Variants in KRTAP2-4 observed in about 807,000 individuals in gnomAD.
KRTAP2-4 encodes keratin associated protein 2-4.
In KRTAP2-4, 7 loss-of-function variants were observed where a neutral mutation model predicts 11.5. That is an observed-to-expected ratio of 0.61 (90% CI 0.35 to 1.15). The LOEUF (loss-of-function observed/expected upper bound fraction) is 1.15, where lower values mean the gene tolerates loss of function less well. KRTAP2-4 is among the 50% of genes most tolerant of loss of function. The pLI, the probability that KRTAP2-4 is intolerant of heterozygous loss-of-function variation, is 0.03. For missense variants in KRTAP2-4, 93 were observed against 183.2 expected, an observed-to-expected ratio of 0.51 and a Z score of 2.84; for synonymous variants, 49 against 77.9, an observed-to-expected ratio of 0.63 and a Z score of 1.96.
In KRTAP2-4 at chr17:41,065,184, G is replaced by A; in HGVS notation, c.*275C>T. ...GCAAAAGATGATGGTGACAGTTTGA[G>A]CAGTAAAAACCATCAGGTTGTAGAA... On this transcript the variant is annotated 3_prime_UTR_variant, in exon 1 of 1. Transcript: ENST00000394015. 1.7e-6 allele frequency: 1 copy of A among 585,820 alleles called. No homozygotes were observed. The highest frequency in any genetic ancestry group is 2.9e-6 in the Non-Finnish European group (1 of 345,498). 36.3% of individuals were successfully genotyped at this position (585,820 alleles called of 1,614,324 possible).
chr17:41,065,495 G>C lies in KRTAP2-4; in HGVS notation c.351C>G (p.Thr117=). The C allele has an allele frequency of 6.4e-7, 1 of 1,572,338 alleles. No individual in the cohort carries two copies. Among genetic ancestry groups the C allele is most frequent in the Non-Finnish European group, 8.6e-7 (1 of 1,159,864 alleles). ...PCCRPPCGQP[T]PCSTTCRTSS... ...AGGTCCTGCAGGTGGTGCTGCAAGG[G>C]GTCGGCTGGCCGCAGGGGGGCCGGC... is the stretch of plus-strand genomic sequence containing the variant. The change falls in exon 1 of 1, where the codon ACC becomes ACG. Residue 117 remains threonine (T), a synonymous_variant. Transcript: ENST00000394015.
At position 41,065,200 on chromosome 17, in the gene KRTAP2-4, G is replaced by C. The variant is rs2013249827; in HGVS notation, c.*259C>G. ...ACAGTTTGAGCAGTAAAAACCATCA[G>C]GTTGTAGAATGTGTTTGCAAAGTCC... is the stretch of plus-strand genomic sequence containing the variant. On this transcript the variant is annotated 3_prime_UTR_variant, in exon 1 of 1. Transcript: ENST00000394015. 1.7e-5 allele frequency: 11 copies of C among 629,606 alleles called. No homozygotes were observed. In the East Asian group the frequency reaches 3.1e-4, roughly 18 times the overall value. The allele number at this position is 629,606 out of a possible 1,614,324, so 39.0% of individuals were successfully genotyped here.
In KRTAP2-4 at chr17:41,065,271, G is replaced by A. The variant is rs1319534058; in HGVS notation, c.*188C>T. On this transcript the variant is annotated 3_prime_UTR_variant, in exon 1 of 1. Coordinates refer to ENST00000394015, the MANE Select transcript of KRTAP2-4 (RefSeq NM_033184.4). ...TCGATTTACTATCCATAATGACTAA[G>A]GCTGATGTAGACACCTGAAAATGTG... 3 of 1,074,748 alleles carry A rather than the reference G, an allele frequency of 2.8e-6. No homozygotes were observed. The highest frequency in any genetic ancestry group is 2.9e-5 in the Admixed American group (1 of 34,252). 66.6% of individuals were successfully genotyped at this position (1,074,748 alleles called of 1,614,324 possible).
rs1234720026 is a variant in KRTAP2-4 at position 41,065,463 on chromosome 17, C to A, written c.383G>T (p.Cys128Phe). The change falls in exon 1 of 1, where the codon TGC becomes TTC. Residue 128 changes from cysteine to phenylalanine, a missense_variant. Coordinates refer to ENST00000394015, the MANE Select transcript of KRTAP2-4 (RefSeq NM_033184.4). Reference sequence around the variant, plus strand: ...CTCTGTGGGGGCATTGGGGTCTCAGCAGGAGGAGGTCCTGCAGGTGGTGCT... The same window carrying A: ...CTCTGTGGGGGCATTGGGGTCTCAGAAGGAGGAGGTCCTGCAGGTGGTGCT... ...PCSTTCRTSSC is the reference protein window; with the variant it reads ...PCSTTCRTSSF 1.9e-6 allele frequency: 3 copies of A among 1,590,852 alleles called. No homozygotes were observed. Among genetic ancestry groups the A allele is most frequent in the Non-Finnish European group, 2.6e-6 (3 of 1,169,566 alleles).
In KRTAP2-4 at chr17:41,065,370, G is replaced by A; in HGVS notation, c.*89C>T. The A allele has an allele frequency of 6.7e-7, 1 of 1,485,842 alleles. No homozygotes were observed. Among genetic ancestry groups the A allele is most frequent in the Non-Finnish European group, 9.0e-7 (1 of 1,112,516 alleles). 92.0% of individuals were successfully genotyped at this position (1,485,842 alleles called of 1,614,324 possible). On this transcript the variant is annotated 3_prime_UTR_variant, in exon 1 of 1. Transcript: ENST00000394015. ...GTAAAAATCACTATTGTCACCTTGTGAAAAAAAATCTATTTTTCTTTTAAC... is the reference window on the plus strand; with the variant it reads ...GTAAAAATCACTATTGTCACCTTGTAAAAAAAAATCTATTTTTCTTTTAAC...
In KRTAP2-4 at chr17:41,065,287, T is replaced by A; in HGVS notation, c.*172A>T. On this transcript the variant is annotated 3_prime_UTR_variant, in exon 1 of 1. Coordinates refer to ENST00000394015, the MANE Select transcript of KRTAP2-4 (RefSeq NM_033184.4). The stretch of plus-strand genomic sequence containing the variant: ...AATGACTAAGGCTGATGTAGACACC[T>A]GAAAATGTGGGTGAGGGTGGTAATG... The A allele has an allele frequency of 1.7e-6, 2 of 1,211,442 alleles. No homozygotes were observed. The highest frequency in any genetic ancestry group is 2.2e-6 in the Non-Finnish European group (2 of 894,486). 75.0% of individuals were successfully genotyped at this position (1,211,442 alleles called of 1,614,324 possible).
In KRTAP2-4 at chr17:41,065,267, C is replaced by A; in HGVS notation, c.*192G>T. 1 of 1,051,960 alleles carries A rather than the reference C, an allele frequency of 9.5e-7. No homozygotes were observed. The highest frequency in any genetic ancestry group is 1.3e-6 in the Non-Finnish European group (1 of 751,882). The allele number at this position is 1,051,960 out of a possible 1,614,324, so 65.2% of individuals were successfully genotyped here. A position where few individuals can be genotyped will look rare whatever the true frequency, so the allele number is the denominator to read the frequency against. Reference sequence around the variant, plus strand: ...AAGGTCGATTTACTATCCATAATGACTAAGGCTGATGTAGACACCTGAAAA... The same window carrying A: ...AAGGTCGATTTACTATCCATAATGAATAAGGCTGATGTAGACACCTGAAAA... On this transcript the variant is annotated 3_prime_UTR_variant, in exon 1 of 1. Coordinates refer to ENST00000394015, the MANE Select transcript of KRTAP2-4 (RefSeq NM_033184.4).
Position 41,065,414 on chromosome 17 carries a change from A to G in KRTAP2-4, c.*45T>C, listed in dbSNP as rs1311613495. The stretch of plus-strand genomic sequence containing the variant: ...TTTTAACTTTTTAAAAACACCAGAT[A>G]GATGTTTAGGCTTCAGTGTATTGCT... On this transcript the variant is annotated 3_prime_UTR_variant, in exon 1 of 1. Transcript: ENST00000394015. 8 of 1,550,470 alleles carry G rather than the reference A, an allele frequency of 5.2e-6. No individual in the cohort carries two copies. The highest frequency in any genetic ancestry group is 1.4e-5 in the African/African-American group (1 of 73,632).
rs2013258307 is a variant in KRTAP2-4, at chr17:41,065,504, G to A, written c.342C>T (p.Gly114=). 2 of 1,561,754 alleles carry A rather than the reference G, an allele frequency of 1.3e-6. No homozygotes were observed. The highest frequency in any genetic ancestry group is 2.4e-5 in the South Asian group (2 of 84,834). ...VQSPCCRPPC[G]QPTPCSTTCR... ...AGGTGGTGCTGCAAGGGGTCGGCTG[G>A]CCGCAGGGGGGCCGGCAGCAGGGGG... Residue 114 remains glycine, a synonymous_variant, in exon 1 of 1, where the codon GGC becomes GGT. Coordinates refer to ENST00000394015, the MANE Select transcript of KRTAP2-4 (RefSeq NM_033184.4).
chr17:41,065,234 A>T lies in KRTAP2-4; in HGVS notation c.*225T>A. On this transcript the variant is annotated 3_prime_UTR_variant, in exon 1 of 1. Coordinates refer to ENST00000394015, the MANE Select transcript of KRTAP2-4 (RefSeq NM_033184.4). ...ATGTGTTTGCAAAGTCCACCCCAGG[A>T]ATTCTTAAAGGTCGATTTACTATCC... The T allele has an allele frequency of 1.2e-6, 1 of 807,572 alleles. No homozygotes were observed. Among genetic ancestry groups the T allele is most frequent in the Non-Finnish European group, 1.9e-6 (1 of 537,564 alleles). The allele number at this position is 807,572 out of a possible 1,614,324, so 50.0% of individuals were successfully genotyped here.
rs1343389588 is a variant in KRTAP2-4 at position 41,065,707 on chromosome 17, C to T, written c.139G>A (p.Val47Met). The T allele has an allele frequency of 2.0e-6, 3 of 1,480,890 alleles. No homozygotes were observed. The highest frequency in any genetic ancestry group is 2.2e-5 in the Admixed American group (1 of 45,424). 91.7% of individuals were successfully genotyped at this position (1,480,890 alleles called of 1,614,324 possible). Residue 47 changes from valine to methionine, a missense_variant, in exon 1 of 1, where the codon GTG becomes ATG. Coordinates refer to ENST00000394015, the MANE Select transcript of KRTAP2-4 (RefSeq NM_033184.4). ...CAGATGGGGCGCGTGCAGCGGGGCA[C>T]GCAGGTCACGGGGCGGCACACGGTG... Reference protein sequence around the residue: ...QTTVCRPVTCVPRCTRPICEP... With the variant: ...QTTVCRPVTCMPRCTRPICEP...
At position 41,065,671 on chromosome 17, in the gene KRTAP2-4, G is replaced by C. The variant is rs12938147; in HGVS notation, c.175C>G (p.Arg59Gly). The change falls in exon 1 of 1, where the codon CGC (arginine) becomes GGC (glycine). Residue 59 changes from arginine to glycine, a missense_variant. Transcript: ENST00000394015. ...CAGGGGTCGCAGCACACCGGGCGGC[G>C]GCAGGGCTCGCAGATGGGGCGCGTG... is the stretch of plus-strand genomic sequence containing the variant. The part of the protein sequence containing the change: ...RCTRPICEPC[R>G]RPVCCDPCSL... 5.5e-6 allele frequency: 8 copies of C among 1,463,420 alleles called. No homozygotes were observed. In the African/African-American group the frequency reaches 8.5e-5, roughly 16 times the overall value. 90.7% of individuals were successfully genotyped at this position (1,463,420 alleles called of 1,614,324 possible). A position where few individuals can be genotyped will look rare whatever the true frequency, so the allele number is the denominator to read the frequency against.
At position 41,065,750 on chromosome 17, in the gene KRTAP2-4, G is replaced by A. The variant is rs1175331692; in HGVS notation, c.96C>T (p.Arg32=). The change falls in exon 1 of 1, where the codon CGC becomes CGT. Residue 32 remains arginine, a synonymous_variant. Coordinates refer to ENST00000394015, the MANE Select transcript of KRTAP2-4 (RefSeq NM_033184.4). ...PCCCRDPCCC[R]PVTCQTTVCR... is the part of the protein sequence containing the mutation. ...ACACGGTGGTCTGGCAGGTCACGGG[G>A]CGGCAGCAGCAGGGGTCGCGGCAGC... 3.3e-6 allele frequency: 5 copies of A among 1,519,434 alleles called. No individual in the cohort carries two copies. In the Admixed American group the frequency reaches 8.0e-5, roughly 24 times the overall value. The allele number at this position is 1,519,434 out of a possible 1,614,324, so 94.1% of individuals were successfully genotyped here.
In KRTAP2-4 at chr17:41,065,137, T is replaced by C; in HGVS notation, c.*322A>G. ...GCTATGCCAGGAAAAATTAGTTTAT[T>C]GACAACAGTGAGCAACACATTGCAA... On this transcript the variant is annotated 3_prime_UTR_variant, in exon 1 of 1. Coordinates refer to ENST00000394015, the MANE Select transcript of KRTAP2-4 (RefSeq NM_033184.4). The C allele has an allele frequency of 2.2e-6, 1 of 459,238 alleles. No individual in the cohort carries two copies. The highest frequency in any genetic ancestry group is 3.8e-6 in the Non-Finnish European group (1 of 263,416). 28.4% of individuals were successfully genotyped at this position (459,238 alleles called of 1,614,324 possible). A position where few individuals can be genotyped will look rare whatever the true frequency, so the allele number is the denominator to read the frequency against.
At position 41,065,327 on chromosome 17, in the gene KRTAP2-4, C is replaced by T. The variant is rs987097270; in HGVS notation, c.*132G>A. ...GGGTGGTAATGGACGTCTGCTTACA[C>T]CAGGCTGTATCCAGATGGTAAAAAT... On this transcript the variant is annotated 3_prime_UTR_variant, in exon 1 of 1. Transcript: ENST00000394015. 13 of 1,421,386 alleles carry T rather than the reference C, an allele frequency of 9.1e-6. No homozygotes were observed. Among genetic ancestry groups the T allele is most frequent in the African/African-American group, 1.4e-5 (1 of 69,958 alleles). 88.0% of individuals were successfully genotyped at this position (1,421,386 alleles called of 1,614,324 possible). A position where few individuals can be genotyped will look rare whatever the true frequency, so the allele number is the denominator to read the frequency against.
Position 41,065,381 on chromosome 17 carries a change from T to C in KRTAP2-4, c.*78A>G. 2.0e-6 allele frequency: 3 copies of C among 1,498,692 alleles called. 1 individual carries two copies. Among genetic ancestry groups the C allele is most frequent in the Non-Finnish European group, 8.9e-7 (1 of 1,118,798 alleles). The allele number at this position is 1,498,692 out of a possible 1,614,324, so 92.8% of individuals were successfully genotyped here. A position where few individuals can be genotyped will look rare whatever the true frequency, so the allele number is the denominator to read the frequency against. Reference sequence around the variant, plus strand: ...TATTGTCACCTTGTGAAAAAAAATCTATTTTTCTTTTAACTTTTTAAAAAC... The same window carrying C: ...TATTGTCACCTTGTGAAAAAAAATCCATTTTTCTTTTAACTTTTTAAAAAC... On this transcript the variant is annotated 3_prime_UTR_variant, in exon 1 of 1. Transcript: ENST00000394015.
chr17:41,065,575 G>A lies in KRTAP2-4; in HGVS notation c.271C>T (p.Pro91Ser), dbSNP rs1389152216. The change falls in exon 1 of 1, where the codon CCC (proline) becomes TCC (serine). Residue 91 changes from proline (P) to serine (S), a missense_variant. Coordinates refer to ENST00000394015, the MANE Select transcript of KRTAP2-4 (RefSeq NM_033184.4). ...PSSCTAVVCR[P>S]CCWATTCCQP... Reference sequence around the variant, plus strand: ...CAGCAGGTGGTGGCCCAGCAGCAGGGCCTGCACACCACAGCCGTGCACGAC... The same window carrying A: ...CAGCAGGTGGTGGCCCAGCAGCAGGACCTGCACACCACAGCCGTGCACGAC... 3 of 1,461,382 alleles carry A rather than the reference G, an allele frequency of 2.1e-6. No homozygotes were observed. 90.5% of individuals were successfully genotyped at this position (1,461,382 alleles called of 1,614,324 possible). A position where few individuals can be genotyped will look rare whatever the true frequency, so the allele number is the denominator to read the frequency against.
At position 41,065,358 on chromosome 17, in the gene KRTAP2-4, T is replaced by C; in HGVS notation, c.*101A>G. 2.7e-6 allele frequency: 4 copies of C among 1,476,622 alleles called. No individual in the cohort carries two copies. The highest frequency in any genetic ancestry group is 1.4e-5 in the African/African-American group (1 of 71,434). 91.5% of individuals were successfully genotyped at this position (1,476,622 alleles called of 1,614,324 possible). A position where few individuals can be genotyped will look rare whatever the true frequency, so the allele number is the denominator to read the frequency against. On this transcript the variant is annotated 3_prime_UTR_variant, in exon 1 of 1. Transcript: ENST00000394015. Reference sequence around the variant, plus strand: ...TGTATCCAGATGGTAAAAATCACTATTGTCACCTTGTGAAAAAAAATCTAT... The same window carrying C: ...TGTATCCAGATGGTAAAAATCACTACTGTCACCTTGTGAAAAAAAATCTAT...
chr17:41,065,360 G>A lies in KRTAP2-4; in HGVS notation c.*99C>T, dbSNP rs2013254327. ...TATCCAGATGGTAAAAATCACTATT[G>A]TCACCTTGTGAAAAAAAATCTATTT... On this transcript the variant is annotated 3_prime_UTR_variant, in exon 1 of 1. Coordinates refer to ENST00000394015, the MANE Select transcript of KRTAP2-4 (RefSeq NM_033184.4). The A allele has an allele frequency of 1.4e-6, 2 of 1,477,960 alleles. No individual in the cohort carries two copies. Among genetic ancestry groups the A allele is most frequent in the East Asian group, 5.0e-5 (2 of 40,248 alleles). The allele number at this position is 1,477,960 out of a possible 1,614,324, so 91.6% of individuals were successfully genotyped here. A position where few individuals can be genotyped will look rare whatever the true frequency, so the allele number is the denominator to read the frequency against.
Sources: gnomAD v4.1 joint callset for allele counts on GRCh38, gnomAD v4.1.1 for gene constraint, MANE v1.5 for transcripts, NCBI Gene and HGNC (gene_info 2026-07-23, HGNC 2026-07-21) for gene names.